TGFB3: variants seen among roughly 807,000 people sequenced by gnomAD.
TGFB3 encodes the protein transforming growth factor beta 3, also known as transforming growth factor beta-3 proprotein.
In TGFB3, 5 loss-of-function variants were observed where a neutral mutation model predicts 40.1. The ratio of observed to expected loss-of-function variants is 0.12; its 90% CI spans 0.07 to 0.26. TGFB3 has a LOEUF of 0.26. Ranked by LOEUF, TGFB3 falls within the 10% of genes least tolerant of loss-of-function variation. The pLI is 1.00. For missense variants in TGFB3, 373 were observed against 530.1 expected, an observed-to-expected ratio of 0.70 and a Z score of 2.91; for synonymous variants, 184 against 205.6, an observed-to-expected ratio of 0.89 and a Z score of 0.90.
At position 75,959,014 on chromosome 14, in the gene TGFB3, G is replaced by T; in HGVS notation, c.*173C>A. The T allele has an allele frequency of 1.3e-6, 1 of 781,870 alleles. No individual in the cohort carries two copies. Among genetic ancestry groups the T allele is most frequent in the Non-Finnish European group, 2.2e-6 (1 of 463,482 alleles). The allele number at this position is 781,870 out of a possible 1,614,324, so 48.4% of individuals were successfully genotyped here. A position where few individuals can be genotyped will look rare whatever the true frequency, so the allele number is the denominator to read the frequency against. ...TTTCTTTACCACCGTGATTCTCAGA[G>T]CCAGCAAGAAAGAAATGTTCCAAAA... is the stretch of plus-strand genomic sequence containing the variant. On this transcript the variant is annotated 3_prime_UTR_variant, in exon 7 of 7. Coordinates refer to ENST00000238682, the MANE Select transcript of TGFB3 (RefSeq NM_003239.5).
chr14:75,970,074 C>T (rs1352441720), intron 3 of TGFB3, among the ~76,000 whole-genome samples: 3 of 152,174 alleles, frequency 2.0e-5, no homozygotes, highest in Non-Finnish European at 4.4e-5. Flanking sequence ...CTGTCTGAGT[C>T]AGAATTCCCA....
chr14:75,979,475 G>A lies in TGFB3; in HGVS notation c.352+1067C>T, dbSNP rs1316099132. Among the ~76,000 whole-genome samples, 3 of 152,134 alleles carry A rather than the reference G, an allele frequency of 2.0e-5. No individual in the cohort carries two copies. The highest frequency in any genetic ancestry group is 2.9e-5 in the Non-Finnish European group (2 of 68,030). ...AGGAAAAGCAAACAGAGCTGCTCCC[G>A]GAGTCTACGGCCCACGAGTGGCTCA... is the stretch of plus-strand genomic sequence containing the variant. On this transcript the variant is annotated intron_variant, in intron 1 of 6. Transcript: ENST00000238682. This position sits in a 1 kb window ranked among gnomAD's most constrained non-coding sequence, Gnocchi z 4.8.
chr14:75,977,290 T>C (rs781647102), intron 1 of TGFB3, among the ~76,000 whole-genome samples: 5 of 152,202 alleles, frequency 3.3e-5, no homozygotes, highest in Non-Finnish European at 7.3e-5. Flanking sequence ...ACATTGGTGA[T>C]ACCTTTGTAA....
At chr14:75,969,158 CAA>C (rs1289203051) in intron 3 of TGFB3, among the ~76,000 whole-genome samples, 1 of 152,166 alleles carries the variant, frequency 6.6e-6, no homozygotes, top group African/African-American at 2.4e-5. Context: ...ATGTGCAGGC[CAA>C]ATAGTTTGTA....
Position 75,980,847 on chromosome 14 carries a change from T to A in TGFB3, c.47A>T (p.Asn16Ile). The A allele has an allele frequency of 6.2e-7, 1 of 1,614,068 alleles. No homozygotes were observed. Among genetic ancestry groups the A allele is most frequent in the Non-Finnish European group, 8.5e-7 (1 of 1,180,014 alleles). Residue 16 changes from asparagine to isoleucine, a missense_variant, in exon 1 of 7, where the codon AAC (asparagine) becomes ATC (isoleucine). Transcript: ENST00000238682. The surrounding 1 kb of genome is among the most constrained non-coding windows in gnomAD (Gnocchi z 4.3). ...QRALVVLALLNFATVSLSLST... is the reference protein window; with the variant it reads ...QRALVVLALLIFATVSLSLST... ...CAGAGAGAGGCTGACCGTGGCAAAGTTCAGCAGGGCCAGGACCACCAGAGC... is the reference window on the plus strand; with the variant it reads ...CAGAGAGAGGCTGACCGTGGCAAAGATCAGCAGGGCCAGGACCACCAGAGC...
Position 75,980,415 on chromosome 14 carries a change from TG to T in TGFB3, c.352+126del. 2.0e-6 allele frequency: 2 copies of T among 989,488 alleles called. No homozygotes were observed. The highest frequency in any genetic ancestry group is 2.6e-5 in the South Asian group (2 of 76,628). 61.3% of individuals were successfully genotyped at this position (989,488 alleles called of 1,614,324 possible). Reference sequence around the variant, plus strand: ...CCCAACGGAGGAGCATCGCACATCCTGAGCCTTGGTGCTGGTGAATCCTGGG... The same window carrying T: ...CCCAACGGAGGAGCATCGCACATCCTAGCCTTGGTGCTGGTGAATCCTGGG... On this transcript the variant is annotated intron_variant, in intron 1 of 6. Transcript: ENST00000238682. The surrounding 1 kb of genome is among the most constrained non-coding windows in gnomAD (Gnocchi z 4.3).
intron 3 of TGFB3, among the ~76,000 whole-genome samples, chr14:75,968,622 A>T (rs777035378): frequency 6.6e-6 from 1 of 152,176 alleles, no homozygotes; most frequent in Non-Finnish European, 1.5e-5. Context: ...TCCTTTCTGT[A>T]GCCGTCTGAG....
chr14:75,973,786 G>A (rs1323221834), intron 1 of TGFB3, among the ~76,000 whole-genome samples: 4 of 152,024 alleles, frequency 2.6e-5, no homozygotes, highest in Non-Finnish European at 5.9e-5. Flanking sequence ...AAATAACACA[G>A]CTCCAGTGAC....
At chr14:75,961,146 A>C in intron 5 of TGFB3, 70 bp from the exon 6 acceptor site, 300 of 1,565,606 alleles carry the variant, frequency 1.9e-4, no homozygotes, top group Non-Finnish European at 2.4e-4. Flanking sequence ...GAATGCTCTC[A>C]TATTCTCCCT....
At position 75,980,089 on chromosome 14, in the gene TGFB3, A is replaced by T. The variant is rs1157581808; in HGVS notation, c.352+453T>A. On this transcript the variant is annotated intron_variant, in intron 1 of 6. Transcript: ENST00000238682. The surrounding 1 kb of genome is among the most constrained non-coding windows in gnomAD (Gnocchi z 4.3). Reference sequence around the variant, plus strand: ...AAGAACTGGAAAAACTGAAACGGAGACGTGTCACAATGAGTTGTGAAAAGC... The same window carrying T: ...AAGAACTGGAAAAACTGAAACGGAGTCGTGTCACAATGAGTTGTGAAAAGC... Among the ~76,000 whole-genome samples, 2 of 152,166 alleles carry T rather than the reference A, an allele frequency of 1.3e-5. No homozygotes were observed. Among genetic ancestry groups the T allele is most frequent in the Non-Finnish European group, 2.9e-5 (2 of 68,038 alleles).
upstream of TGFB3, among the ~76,000 whole-genome samples, chr14:75,982,103 T>C (rs1391460030): frequency 6.6e-6 from 1 of 152,216 alleles, no homozygotes; most frequent in East Asian, 1.9e-4. This position sits in a 1 kb window ranked among gnomAD's most constrained non-coding sequence, Gnocchi z 4.0. Context: ...CTGCACGATG[T>C]TAATGTTTTA....
chr14:75,982,060 G>T (rs994083160), upstream of TGFB3, among the ~76,000 whole-genome samples: 2 of 152,148 alleles, frequency 1.3e-5, no homozygotes, highest in Non-Finnish European at 2.9e-5. This position sits in a 1 kb window ranked among gnomAD's most constrained non-coding sequence, Gnocchi z 4.0. Context: ...CTGGGGTGGG[G>T]GAGGGAGGGA....
rs3917151 is a variant in TGFB3, at chr14:75,979,704, C to T, written c.352+838G>A. 0.072 allele frequency among the ~76,000 whole-genome samples: 10,742 copies of T among 149,772 alleles called. 817 individuals are homozygous for T. Among genetic ancestry groups the T allele is most frequent in the African/African-American group, 0.18 (7,069 of 40,244 alleles). On this transcript the variant is annotated intron_variant, in intron 1 of 6. Coordinates refer to ENST00000238682, the MANE Select transcript of TGFB3 (RefSeq NM_003239.5). The surrounding 1 kb of genome is among the most constrained non-coding windows in gnomAD (Gnocchi z 4.8). ...GCAGGCTCCCAGACATATCCCCCCCCCCCACCATGCACCCACTGCCACCCC... is the reference window on the plus strand; with the variant it reads ...GCAGGCTCCCAGACATATCCCCCCCTCCCACCATGCACCCACTGCCACCCC...
rs368276495 is a variant in TGFB3 at position 75,979,908 on chromosome 14, G to A, written c.352+634C>T. On this transcript the variant is annotated intron_variant, in intron 1 of 6. Coordinates refer to ENST00000238682, the MANE Select transcript of TGFB3 (RefSeq NM_003239.5). This position sits in a 1 kb window ranked among gnomAD's most constrained non-coding sequence, Gnocchi z 4.8. ...AAAGTACACGGCCCTGGGAACATTC[G>A]TGCATACCCTCTTCCTTCCACACAC... is the stretch of plus-strand genomic sequence containing the variant. Among the ~76,000 whole-genome samples the A allele has an allele frequency of 2.0e-5, 3 of 152,126 alleles. No individual in the cohort carries two copies. Among genetic ancestry groups the A allele is most frequent in the Admixed American group, 6.5e-5 (1 of 15,272 alleles).
At chr14:75,975,073 T>TA (rs2035337396) in intron 1 of TGFB3, among the ~76,000 whole-genome samples, 1 of 147,506 alleles carries the variant, frequency 6.8e-6, no homozygotes, top group African/African-American at 2.5e-5. Context: ...TATTTAAAAT[T>TA]AAAAATTTTA....
Position 75,971,004 on chromosome 14 carries a change from G to T in TGFB3, c.646+122C>A. Reference sequence around the variant, plus strand: ...GTGAATGAATGGAGGATACTCAGTGGCAAAGCTAGGGTTTGAACCCAGATC... The same window carrying T: ...GTGAATGAATGGAGGATACTCAGTGTCAAAGCTAGGGTTTGAACCCAGATC... On this transcript the variant is annotated intron_variant, in intron 3 of 6. Coordinates refer to ENST00000238682, the MANE Select transcript of TGFB3 (RefSeq NM_003239.5). This position sits in a 1 kb window ranked among gnomAD's most constrained non-coding sequence, Gnocchi z 4.5. 1 of 1,414,774 alleles carries T rather than the reference G, an allele frequency of 7.1e-7. No individual in the cohort carries two copies. Among genetic ancestry groups the T allele is most frequent in the Non-Finnish European group, 9.9e-7 (1 of 1,014,344 alleles). 87.6% of individuals were successfully genotyped at this position (1,414,774 alleles called of 1,614,324 possible).
chr14:75,970,961 T>G (rs2035283776), intron 3 of TGFB3, 165 bp downstream of exon 3: 2 of 987,946 alleles, frequency 2.0e-6, no homozygotes, highest in South Asian at 1.4e-5. Context: ...CAGTGAGCAT[T>G]TAATAAACAT....
At chr14:75,969,483 G>A (rs1292853769) in intron 3 of TGFB3, among the ~76,000 whole-genome samples, 2 of 152,114 alleles carry the variant, frequency 1.3e-5, no homozygotes, top group Non-Finnish European at 2.9e-5. Context: ...AACTTCTCTC[G>A]GCCTGTTTCC....
Position 75,958,289 on chromosome 14 carries a change from ATGT to A in TGFB3, c.*895_*897del, listed in dbSNP as rs1010112865. 2.6e-5 allele frequency: 4 copies of A among 152,708 alleles called. No individual in the cohort carries two copies. The highest frequency in any genetic ancestry group is 7.2e-5 in the African/African-American group (3 of 41,444). 9.5% of individuals were successfully genotyped at this position (152,708 alleles called of 1,614,324 possible). Reference sequence around the variant, plus strand: ...TGTGCAGCTTCCCCGAATGCCTCACATGTTGTAGCACCTGCTTCCAGGAACACC... The same window carrying A: ...TGTGCAGCTTCCCCGAATGCCTCACATGTAGCACCTGCTTCCAGGAACACC... On this transcript the variant is annotated 3_prime_UTR_variant, in exon 7 of 7. Transcript: ENST00000238682.
Sources: gnomAD v4.1 joint callset for allele counts (sites outside exome capture counted in the v4.1 genomes callset) on GRCh38, gnomAD v4.1.1 for gene constraint, Gnocchi (gnomAD v3.1) non-coding constraint, MANE v1.5 for transcripts, NCBI Gene and HGNC (gene_info 2026-07-23, HGNC 2026-07-21) for gene names.